ASCC3: variants seen among roughly 807,000 people sequenced by gnomAD.
ASCC3 encodes activating signal cointegrator 1 complex subunit 3.
In ASCC3, 158 loss-of-function variants were observed where a neutral mutation model predicts 256.3. That is an observed-to-expected ratio of 0.62 (90% CI 0.54 to 0.70). The LOEUF is 0.70. Among genes scored for constraint, ASCC3 ranks in the 30% least tolerant of loss-of-function variants. ASCC3 has a pLI of 0.00. For missense variants in ASCC3, 2,259 were observed against 2,626.0 expected, an observed-to-expected ratio of 0.86 and a Z score of 3.05; for synonymous variants, 948 against 883.4, an observed-to-expected ratio of 1.07 and a Z score of -1.30.
In ASCC3 at chr6:100,651,210, A is replaced by C. The variant is rs558069754; in HGVS notation, c.3075+350T>G. ...TGTTAATAAGATTAAATATTAATAC[A>C]GGTACAGAAATACTCATATCTAAGG... On this transcript the variant is annotated intron_variant, in intron 19 of 41. Coordinates refer to ENST00000369162, the MANE Select transcript of ASCC3 (RefSeq NM_006828.4). 2.6e-5 allele frequency among the ~76,000 whole-genome samples: 4 copies of C among 152,044 alleles called. No homozygotes were observed. The South Asian group carries it at 8.3e-4, about 31-fold the overall frequency.
chr6:100,668,530 A>C (rs904711519), intron 14 of ASCC3, among the ~76,000 whole-genome samples: 2 of 152,010 alleles, frequency 1.3e-5, no homozygotes, highest in Non-Finnish European at 2.9e-5. Context: ...TAATGCTATT[A>C]AGAGACTCTA....
At chr6:100,568,209 A>C (rs1426831031) in intron 36 of ASCC3, among the ~76,000 whole-genome samples, 1 of 152,022 alleles carries the variant, frequency 6.6e-6, no homozygotes, top group Admixed American at 6.5e-5. Context: ...CTCAACTAAA[A>C]CTATAAAAAT....
chr6:100,700,435 C>T (rs239217), intron 13 of ASCC3, among the ~76,000 whole-genome samples: 85,226 of 151,986 alleles, frequency 0.56, 24,131 homozygotes, highest in East Asian at 0.73. Flanking sequence ...AGCCTCCACA[C>T]AGAGTCCCTA....
chr6:100,683,125 T>C (rs1407047278), intron 13 of ASCC3, among the ~76,000 whole-genome samples: 1 of 152,110 alleles, frequency 6.6e-6, no homozygotes, highest in Non-Finnish European at 1.5e-5. Context: ...CCCAATAATA[T>C]CTTTATTTAC....
chr6:100,844,878 A>C (rs1464595196), intron 4 of ASCC3, among the ~76,000 whole-genome samples: 1 of 152,072 alleles, frequency 6.6e-6, no homozygotes, highest in Non-Finnish European at 1.5e-5. Flanking sequence ...AATAATTAAA[A>C]CTCATCTTAA....
intron 36 of ASCC3, among the ~76,000 whole-genome samples, chr6:100,577,712 C>G (rs1221832432): frequency 1.3e-5 from 2 of 151,824 alleles, no homozygotes; most frequent in Non-Finnish European, 2.9e-5. Flanking sequence ...CATAATTTAT[C>G]TGTGTGTGAA....
intron 36 of ASCC3, among the ~76,000 whole-genome samples, chr6:100,579,119 C>A (rs564398176): frequency 1.3e-5 from 2 of 150,304 alleles, no homozygotes; most frequent in South Asian, 4.2e-4. Flanking sequence ...GTTGGTCACA[C>A]GTATATCTTC....
intron 4 of ASCC3, among the ~76,000 whole-genome samples, chr6:100,846,271 C>T (rs576821926): frequency 6.6e-6 from 1 of 152,180 alleles, no homozygotes; most frequent in Admixed American, 6.5e-5. Flanking sequence ...TTTGCCATAA[C>T]AACAGAATAT....
chr6:100,831,891 AAAG>A (rs1379838426), intron 4 of ASCC3, among the ~76,000 whole-genome samples: 7 of 152,236 alleles, frequency 4.6e-5, no homozygotes, highest in East Asian at 1.9e-4. Context: ...CAAAAAAGTT[AAAG>A]AAGAACTGGT....
At chr6:100,875,802 T>C (rs1192335869) in intron 1 of ASCC3, among the ~76,000 whole-genome samples, 1 of 151,778 alleles carries the variant, frequency 6.6e-6, no homozygotes, top group Non-Finnish European at 1.5e-5. Context: ...TTTCCAAAAA[T>C]GGTAGAAGCT....
chr6:100,609,124 T>C (rs1773260827), intron 30 of ASCC3, among the ~76,000 whole-genome samples: 1 of 151,964 alleles, frequency 6.6e-6, no homozygotes. Flanking sequence ...GCTTTAACTT[T>C]ATGGACCTAA....
At chr6:100,718,362 T>A in intron 11 of ASCC3, 111 bp from the exon 12 acceptor site, 1 of 849,258 alleles carries the variant, frequency 1.2e-6, no homozygotes, top group Non-Finnish European at 1.8e-6. Flanking sequence ...GAGATGAGTG[T>A]AGAGGTCAAT....
chr6:100,679,879 C>T (rs1777214111), intron 13 of ASCC3, 127 bp from the exon 14 acceptor site: 2 of 1,021,948 alleles, frequency 2.0e-6, no homozygotes, highest in Non-Finnish European at 3.0e-6. Context: ...TTTACGAATT[C>T]TCCAACATAT....
intron 36 of ASCC3, among the ~76,000 whole-genome samples, chr6:100,563,299 G>A (rs1159633947): frequency 1.3e-5 from 2 of 151,968 alleles, no homozygotes; most frequent in Non-Finnish European, 2.9e-5. Flanking sequence ...AATTTTAAAA[G>A]GGGGAAGAAT....
chr6:100,879,830 T>C (rs1583007352), intron 1 of ASCC3, among the ~76,000 whole-genome samples: 1 of 152,342 alleles, frequency 6.6e-6, no homozygotes, highest in South Asian at 2.1e-4. Flanking sequence ...AGCAAGATCA[T>C]CTGTTCCCCT....
At chr6:100,585,409 G>A (rs1299983536) in intron 36 of ASCC3, among the ~76,000 whole-genome samples, 6 of 151,978 alleles carry the variant, frequency 3.9e-5, no homozygotes, top group Non-Finnish European at 5.9e-5. Context: ...CGTAGTTCTC[G>A]AGCCTTGGCT....
At chr6:100,603,327 T>G (rs1772723141) in intron 33 of ASCC3, among the ~76,000 whole-genome samples, 1 of 152,236 alleles carries the variant, frequency 6.6e-6, no homozygotes, top group Admixed American at 6.5e-5. Flanking sequence ...ATTATTACAA[T>G]GTGAACACAG....
chr6:100,824,506 C>T (rs886203856), intron 4 of ASCC3, among the ~76,000 whole-genome samples: 2 of 152,044 alleles, frequency 1.3e-5, no homozygotes, highest in Admixed American at 6.6e-5. Flanking sequence ...ACATCCTTAT[C>T]GCTTCTCAGC....
chr6:100,576,653 T>C (rs73500967), intron 36 of ASCC3, among the ~76,000 whole-genome samples: 1,910 of 152,104 alleles, frequency 0.013, 45 homozygotes, highest in African/African-American at 0.045. Context: ...GCCTAGCATG[T>C]AGTGGGTTCT....
Sources: allele counts gnomAD v4.1 joint callset (sites outside exome capture counted in the v4.1 genomes callset), GRCh38; gene constraint gnomAD v4.1.1; transcripts MANE v1.5; gene names NCBI Gene and HGNC (gene_info 2026-07-23, HGNC 2026-07-21).